The following LRPPRC variants were observed in gnomAD, a reference collection of about 807,000 sequenced individuals.
LRPPRC encodes the protein leucine-rich PPR motif-containing protein, mitochondrial.
A neutral mutation model predicts 180.3 loss-of-function variants in LRPPRC; 120 were observed. The ratio of observed to expected loss-of-function variants is 0.67; its 90% confidence interval spans 0.57 to 0.77. LRPPRC has a LOEUF of 0.77. Ranked by LOEUF, LRPPRC falls within the 30% of genes least tolerant of loss-of-function variation. LRPPRC has a pLI of 0.00. For synonymous variants in LRPPRC, 723 were observed against 600.0 expected, an observed-to-expected ratio of 1.21 and a Z score of -3.00; for missense variants, 2,012 against 1,657.2, an observed-to-expected ratio of 1.21 and a Z score of -3.72.
chr2:43,955,330 G>A (rs1011310380), intron 14 of LRPPRC, among the ~76,000 whole-genome samples: 1 of 151,876 alleles, frequency 6.6e-6, no homozygotes, highest in Non-Finnish European at 1.5e-5. Flanking sequence ...TTAGCTGGGC[G>A]TGGTAGTGCA....
At chr2:43,963,765 T>C in intron 11 of LRPPRC, 59 bp from the exon 12 acceptor site, 1 of 918,470 alleles carries the variant, frequency 1.1e-6, no homozygotes, top group South Asian at 1.3e-5. Context: ...TAAGAAAAGA[T>C]CGGTAAGTTC....
intron 1 of LRPPRC, among the ~76,000 whole-genome samples, chr2:43,985,358 A>C (rs1674484844): frequency 6.6e-6 from 1 of 152,196 alleles, no homozygotes; most frequent in Admixed American, 6.5e-5. Context: ...CATCAACCAA[A>C]GTCCATAATT....
At chr2:43,893,341 A>G (rs1670562602) in intron 36 of LRPPRC, among the ~76,000 whole-genome samples, 1 of 152,248 alleles carries the variant, frequency 6.6e-6, no homozygotes, top group Admixed American at 6.5e-5. Flanking sequence ...ATAAAATGCT[A>G]ACAAACAACA....
At chr2:43,938,775 G>A (rs983458157) in intron 23 of LRPPRC, among the ~76,000 whole-genome samples, 3 of 152,080 alleles carry the variant, frequency 2.0e-5, no homozygotes, top group Non-Finnish European at 2.9e-5. Flanking sequence ...TCTACTTTGA[G>A]ATACCAAGAA....
chr2:43,918,486 T>G (rs1671560798), intron 27 of LRPPRC, 88 bp from the exon 28 acceptor site: 1 of 1,021,348 alleles, frequency 9.8e-7, no homozygotes, highest in African/African-American at 1.6e-5. Flanking sequence ...TATTTGATGT[T>G]GAAGAAAGCA....
intron 1 of LRPPRC, among the ~76,000 whole-genome samples, chr2:43,989,576 A>G (rs1417040318): frequency 6.6e-6 from 1 of 152,228 alleles, no homozygotes; most frequent in Non-Finnish European, 1.5e-5. Context: ...TCCCAAGTTT[A>G]TATCATATAT....
At chr2:43,975,382 T>G (rs1674008909) in intron 6 of LRPPRC, among the ~76,000 whole-genome samples, 165 bp from the exon 7 acceptor site, 2 of 152,306 alleles carry the variant, frequency 1.3e-5, no homozygotes, top group South Asian at 4.1e-4. Flanking sequence ...GTTTCTGAAA[T>G]AATAAAGATC....
intron 26 of LRPPRC, among the ~76,000 whole-genome samples, chr2:43,925,497 A>G (rs562883495): frequency 6.6e-6 from 1 of 152,266 alleles, no homozygotes; most frequent in East Asian, 1.9e-4. Flanking sequence ...TTCCCCCTCC[A>G]AACTTTACAC....
chr2:43,918,787 A>ATC (rs1202926812), intron 27 of LRPPRC, among the ~76,000 whole-genome samples: 1 of 34,460 alleles, frequency 2.9e-5, no homozygotes, highest in Non-Finnish European at 4.3e-5. Flanking sequence ...ATATATATAT[A>ATC]TATAGATATA....
chr2:43,917,296 G>A lies in LRPPRC; in HGVS notation c.3148+729C>T, dbSNP rs1312124925. Among the ~76,000 whole-genome samples, 4 of 151,832 alleles carry A rather than the reference G, an allele frequency of 2.6e-5. No individual in the cohort carries two copies. The South Asian group carries it at 6.2e-4, about 24-fold the overall frequency. ...CTTCGTGATCTGCCAGCTTTGGGAG[G>A]CTGAAGCCTCCCAAAGTGCTGGGAT... On this transcript the variant is annotated intron_variant, in intron 29 of 37. Coordinates refer to ENST00000260665, the MANE Select transcript of LRPPRC (RefSeq NM_133259.4).
chr2:43,928,081 AATCT>A (rs1671953647), intron 25 of LRPPRC, among the ~76,000 whole-genome samples: 2 of 152,244 alleles, frequency 1.3e-5, no homozygotes, highest in South Asian at 4.1e-4. Context: ...TGCCACATAC[AATCT>A]ATCTAATGAA....
In LRPPRC at chr2:43,896,210, C is replaced by CTTTTTTTTTTTTTTTTT. The variant is rs1558896220; in HGVS notation, c.3900+423_3900+424insAAAAAAAAAAAAAAAAA. The CTTTTTTTTTTTTTTTTT allele has an allele frequency of 2.4e-5, 3 of 125,698 alleles. 1 individual carries two copies. Among genetic ancestry groups the CTTTTTTTTTTTTTTTTT allele is most frequent in the African/African-American group, 9.4e-5 (3 of 31,926 alleles). The allele number at this position is 125,698 out of a possible 1,614,324, so 7.8% of individuals were successfully genotyped here. ...ATTTTAATCTTCCATTTCTTTCTTT[C>CTTTTTTTTTTTTTTTTT]TTTCTTTCTTTCTTTTTTTTTTTTT... On this transcript the variant is annotated intron_variant, in intron 35 of 37. Transcript: ENST00000260665.
chr2:43,892,981 G>A (rs1670549172), intron 36 of LRPPRC, among the ~76,000 whole-genome samples: 1 of 152,154 alleles, frequency 6.6e-6, no homozygotes, highest in Non-Finnish European at 1.5e-5. Context: ...AGGAGTTTGG[G>A]AGAAGCTGAT....
At chr2:43,962,367 C>T (rs534987787) in intron 12 of LRPPRC, among the ~76,000 whole-genome samples, 1 of 152,248 alleles carries the variant, frequency 6.6e-6, no homozygotes, top group South Asian at 2.1e-4. Context: ...AACCCTAACA[C>T]TTCAGAAGAC....
intron 34 of LRPPRC, among the ~76,000 whole-genome samples, chr2:43,897,694 T>C (rs1008754131): frequency 2.0e-5 from 3 of 151,948 alleles, no homozygotes; most frequent in African/African-American, 4.8e-5. Context: ...CAAGAGCCCT[T>C]CAGTGAGGTC....
At chr2:43,963,041 G>C (rs6706695) in intron 12 of LRPPRC, among the ~76,000 whole-genome samples, 63,366 of 152,086 alleles carry the variant, frequency 0.42, 13,957 homozygotes, top group Non-Finnish European at 0.49. Context: ...CCCGATATTG[G>C]CATATTGTCT....
chr2:43,994,727 A>C (rs1009304185), intron 1 of LRPPRC, among the ~76,000 whole-genome samples: 7 of 151,998 alleles, frequency 4.6e-5, no homozygotes, highest in Non-Finnish European at 1.0e-4. Context: ...CTCAGCACCT[A>C]TCTCCCCTTC....
intron 1 of LRPPRC, among the ~76,000 whole-genome samples, chr2:43,987,003 A>T (rs1405919671): frequency 1.3e-5 from 2 of 152,182 alleles, no homozygotes; most frequent in Non-Finnish European, 2.9e-5. Flanking sequence ...ACCAATCCCT[A>T]ATTTAACTAT....
chr2:43,950,887 T>C (rs924820241), intron 14 of LRPPRC, among the ~76,000 whole-genome samples: 1 of 152,226 alleles, frequency 6.6e-6, no homozygotes, highest in East Asian at 1.9e-4. Flanking sequence ...CTGGCCAACA[T>C]GGTGAAATCC....
Sources: gnomAD v4.1 joint callset for allele counts (sites outside exome capture counted in the v4.1 genomes callset) on GRCh38, gnomAD v4.1.1 for gene constraint, MANE v1.5 for transcripts, NCBI Gene and HGNC (gene_info 2026-07-23, HGNC 2026-07-21) for gene names.